CLVS1: variants seen among roughly 807,000 people sequenced by gnomAD.
The protein encoded by CLVS1 is clavesin 1, also known as clavesin-1.
CLVS1 carries 10 observed loss-of-function variants against 33.1 expected under a neutral mutation model. The observed-to-expected ratio is 0.30, with a 90% confidence interval of 0.19 to 0.51. CLVS1 has a LOEUF of 0.51. Ranked by LOEUF, CLVS1 falls within the 20% of genes least tolerant of loss-of-function variation. CLVS1 has a pLI of 0.97. For missense variants in CLVS1, 343 were observed against 433.4 expected, an observed-to-expected ratio of 0.79 and a Z score of 1.85; for synonymous variants, 163 against 166.1, an observed-to-expected ratio of 0.98 and a Z score of 0.14.
intron 3 of CLVS1, among the ~76,000 whole-genome samples, chr8:61,445,323 A>C (rs1325446760): frequency 6.6e-6 from 1 of 152,106 alleles, no homozygotes. Context: ...GTCCACTCCA[A>C]ATTGATGGAG....
intron 1 of CLVS1, among the ~76,000 whole-genome samples, chr8:61,105,985 T>C (rs7814073): frequency 0.18 from 27,001 of 152,144 alleles, 2,560 homozygotes; most frequent in Admixed American, 0.3. Flanking sequence ...GTTGTAGTTC[T>C]GTCTTCCTTT....
chr8:61,289,731 G>A (rs1330641200), intron 1 of CLVS1, among the ~76,000 whole-genome samples: 1 of 152,146 alleles, frequency 6.6e-6, no homozygotes, highest in Non-Finnish European at 1.5e-5. Context: ...ACCATTAGAG[G>A]CATTGTCGAA....
intron 5 of CLVS1, among the ~76,000 whole-genome samples, chr8:61,469,250 C>T (rs1013019483): frequency 6.6e-6 from 1 of 152,200 alleles, no homozygotes; most frequent in East Asian, 1.9e-4. Flanking sequence ...ACAAACATAA[C>T]ATTTTAGTTA....
rs535861984 is a variant in CLVS1 at position 61,210,697 on chromosome 8, G to A, written c.-152+78837G>A. On this transcript the variant is annotated intron_variant, in intron 2 of 2. Coordinates refer to the CLVS1 transcript ENST00000522621. ...TTATGTAATATCTAGACTTGCACCC[G>A]AGGAGAAATAAGTCCTGCCTGGACT... Among the ~76,000 whole-genome samples, 89 of 152,328 alleles carry A rather than the reference G, an allele frequency of 5.8e-4. 1 individual carries two copies. The highest frequency in any genetic ancestry group is 2.1e-3 in the African/African-American group (87 of 41,570).
At chr8:61,396,352 A>G (rs1225453930) in intron 3 of CLVS1, among the ~76,000 whole-genome samples, 1 of 152,210 alleles carries the variant, frequency 6.6e-6, no homozygotes, top group Non-Finnish European at 1.5e-5. Context: ...AAAAGTAATA[A>G]AAAATTGTTA....
At chr8:61,175,698 T>C (rs1807099948) in intron 2 of CLVS1, among the ~76,000 whole-genome samples, 1 of 152,130 alleles carries the variant, frequency 6.6e-6, no homozygotes, top group South Asian at 2.1e-4. Context: ...ATGCCAAGGA[T>C]TGCCAGCAAC....
chr8:61,466,628 G>T (rs1162755261), intron 5 of CLVS1, among the ~76,000 whole-genome samples: 1 of 152,082 alleles, frequency 6.6e-6, no homozygotes, highest in Non-Finnish European at 1.5e-5. Flanking sequence ...AATTAAAATG[G>T]CTATAGATAT....
chr8:61,094,455 A>G (rs867056931), intron 1 of CLVS1, among the ~76,000 whole-genome samples: 1 of 152,194 alleles, frequency 6.6e-6, no homozygotes. Context: ...GAAAAACTCC[A>G]AGGCTATTAA....
chr8:61,224,804 C>G (rs1407066262), intron 2 of CLVS1, among the ~76,000 whole-genome samples: 1 of 152,122 alleles, frequency 6.6e-6, no homozygotes, highest in African/African-American at 2.4e-5. Context: ...GCTAACTATC[C>G]TAAATATATA....
intron 3 of CLVS1, among the ~76,000 whole-genome samples, chr8:61,379,303 C>T (rs950871722): frequency 3.9e-5 from 6 of 152,146 alleles, no homozygotes; most frequent in Admixed American, 3.3e-4. Context: ...TTGTTTATAG[C>T]ATTTGTCTAG....
intron 2 of CLVS1, among the ~76,000 whole-genome samples, chr8:61,144,356 C>T (rs1321257509): frequency 1.3e-5 from 2 of 152,170 alleles, no homozygotes; most frequent in East Asian, 1.9e-4. Context: ...CCAGCTTCAT[C>T]CATGTCCCTG....
At chr8:61,204,980 A>T (rs1433098801) in intron 2 of CLVS1, among the ~76,000 whole-genome samples, 4 of 152,236 alleles carry the variant, frequency 2.6e-5, no homozygotes, top group Non-Finnish European at 2.9e-5. Flanking sequence ...ATCATTGCTT[A>T]CAAAAGAAAT....
intron 5 of CLVS1, among the ~76,000 whole-genome samples, chr8:61,473,737 A>G (rs1310908259): frequency 1.3e-5 from 2 of 152,232 alleles, no homozygotes; most frequent in African/African-American, 2.4e-5. Context: ...TCAAGTGGAT[A>G]TTGGGATGAA....
At chr8:61,306,008 C>T (rs1178774116) in intron 2 of CLVS1, among the ~76,000 whole-genome samples, 2 of 152,150 alleles carry the variant, frequency 1.3e-5, no homozygotes, top group Non-Finnish European at 2.9e-5. Flanking sequence ...CATACACGTG[C>T]ATGTGTCTTT....
intron 2 of CLVS1, among the ~76,000 whole-genome samples, chr8:61,344,724 G>A (rs1812143764): frequency 6.6e-6 from 1 of 152,106 alleles, no homozygotes; most frequent in South Asian, 2.1e-4. Flanking sequence ...ATCCAACTAG[G>A]AACTGAGATC....
intron 2 of CLVS1, among the ~76,000 whole-genome samples, chr8:61,302,276 A>C (rs1007465914): frequency 6.6e-6 from 1 of 152,228 alleles, no homozygotes; most frequent in Non-Finnish European, 1.5e-5. Context: ...TTCTGTAATG[A>C]TATGGAATAA....
At chr8:61,245,936 TA>T (rs547311689) in intron 2 of CLVS1, among the ~76,000 whole-genome samples, 15 of 147,580 alleles carry the variant, frequency 1.0e-4, no homozygotes, top group East Asian at 3.9e-4. Flanking sequence ...CCCAGTTAAT[TA>T]AAAAAAAATT....
chr8:61,174,849 G>A (rs11783563), intron 2 of CLVS1, among the ~76,000 whole-genome samples: 7,731 of 103,388 alleles, frequency 0.075, 222 homozygotes, highest in African/African-American at 0.093. Flanking sequence ...TATCCCCCCC[G>A]TCAGCTTCCC....
the CLVS1 span, among the ~76,000 whole-genome samples, chr8:60,999,298 G>A: frequency 6.6e-6 from 1 of 152,176 alleles, no homozygotes; most frequent in Admixed American, 6.5e-5. Flanking sequence ...CCTGGGTAAA[G>A]CTGAACTGAG....
Sources: gnomAD v4.1 joint callset for allele counts (sites outside exome capture counted in the v4.1 genomes callset) on GRCh38, gnomAD v4.1.1 for gene constraint, MANE v1.5 for transcripts, NCBI Gene and HGNC (gene_info 2026-07-23, HGNC 2026-07-21) for gene names.